OGG1: variants seen among roughly 807,000 people sequenced by gnomAD.
OGG1 encodes N-glycosylase/DNA lyase.
In OGG1, 35 loss-of-function variants were observed where a neutral mutation model predicts 42.3. The ratio of observed to expected loss-of-function variants is 0.83; its 90% CI spans 0.63 to 1.10. The LOEUF is 1.10. Among genes scored for constraint, OGG1 ranks in the 50% least tolerant of loss-of-function variants. The pLI is 0.00. For missense variants in OGG1, 484 were observed against 446.7 expected (o/e 1.08, Z -0.75); for synonymous variants, 189 against 179.0 (o/e 1.06, Z -0.44).
chr3:9,759,326 G>A, downstream of OGG1: 3 of 1,576,602 alleles, frequency 1.9e-6, no homozygotes, highest in Non-Finnish European at 2.6e-6. Context: ...TGTTGGGAGT[G>A]TTTGTTGAAT....
intron 2 of OGG1, among the ~76,000 whole-genome samples, chr3:9,777,799 T>C (rs1233988105): frequency 6.6e-6 from 1 of 152,194 alleles, no homozygotes; most frequent in African/African-American, 2.4e-5. Context: ...TGGAACTCTC[T>C]ACCAACAACG....
At chr3:9,752,493 C>T (rs191874583) in intron 3 of OGG1, among the ~76,000 whole-genome samples, 4 of 144,564 alleles carry the variant, frequency 2.8e-5, no homozygotes, top group African/African-American at 7.9e-5. Context: ...AGTGAAACCC[C>T]GTCTCCAGCC....
At chr3:9,786,377 C>G (rs1475804517) in intron 3 of OGG1, among the ~76,000 whole-genome samples, 1 of 152,182 alleles carries the variant, frequency 6.6e-6, no homozygotes, top group Non-Finnish European at 1.5e-5. Context: ...CTTAGATAAC[C>G]TGCAACATGT....
downstream of OGG1, among the ~76,000 whole-genome samples, chr3:9,771,140 A>G (rs2125604121): frequency 6.7e-6 from 1 of 148,938 alleles, no homozygotes; most frequent in African/African-American, 2.5e-5. Context: ...TCATCTTCCT[A>G]CCTCAGCCTC....
At chr3:9,779,386 A>T (rs2078409182) in intron 2 of OGG1, among the ~76,000 whole-genome samples, 1 of 152,094 alleles carries the variant, frequency 6.6e-6, no homozygotes, top group Non-Finnish European at 1.5e-5. Context: ...CCTGTGCTGG[A>T]TGTAAATGAG....
chr3:9,764,268 C>T (rs1575248794), intron 7 of OGG1, among the ~76,000 whole-genome samples: 1 of 152,148 alleles, frequency 6.6e-6, no homozygotes. Context: ...GGTAAATACT[C>T]ATAAGTGAAA....
downstream of OGG1, among the ~76,000 whole-genome samples, chr3:9,769,542 C>G (rs373813465): frequency 2.0e-5 from 3 of 152,180 alleles, no homozygotes; most frequent in Admixed American, 6.5e-5. Flanking sequence ...CTCCGCAAGC[C>G]CCCCCACCCC....
At chr3:9,776,548 C>G (rs1036638623) in intron 2 of OGG1, among the ~76,000 whole-genome samples, 1 of 152,062 alleles carries the variant, frequency 6.6e-6, no homozygotes, top group Admixed American at 6.5e-5. Context: ...CGCCACCACG[C>G]CCGGCTAATT....
intron 2 of OGG1, 126 bp from the exon 3 acceptor site, chr3:9,751,644 C>A: frequency 1.1e-6 from 1 of 879,306 alleles, no homozygotes; most frequent in Non-Finnish European, 1.9e-6. Flanking sequence ...CTTTCTCTAA[C>A]GGTGCTGACT....
chr3:9,759,336 TGAAA>T (rs778632031), downstream of OGG1: 51 of 1,564,174 alleles, frequency 3.3e-5, no homozygotes, highest in Non-Finnish European at 4.3e-5. Context: ...GTTTGTTGAA[TGAAA>T]GAGTGAATGA....
downstream of OGG1, chr3:9,761,979 T>A: frequency 3.5e-6 from 2 of 567,134 alleles, no homozygotes; most frequent in South Asian, 4.2e-5. Flanking sequence ...AAACCTCAGG[T>A]GTGCACTGTA....
In OGG1 at chr3:9,757,274, G is replaced by T. The variant is rs1317935418; in HGVS notation, c.*124G>T. 2 of 1,614,036 alleles carry T rather than the reference G, an allele frequency of 1.2e-6. No homozygotes were observed. The highest frequency in any genetic ancestry group is 1.7e-6 in the Non-Finnish European group (2 of 1,180,044). On this transcript the variant is annotated 3_prime_UTR_variant, in exon 7 of 7. Coordinates refer to ENST00000344629, the MANE Select transcript of OGG1 (RefSeq NM_002542.6). The surrounding 1 kb of genome is among the most constrained non-coding windows in gnomAD (Gnocchi z 4.5). ...TCCCTGTGACTACCTCAAAGGCCAG[G>T]CACCCCCAAATCAAGCAGTCAGTTT... is the stretch of plus-strand genomic sequence containing the variant.
intron 3 of OGG1, among the ~76,000 whole-genome samples, chr3:9,753,450 A>C (rs1242104840): frequency 6.6e-6 from 1 of 152,020 alleles, no homozygotes; most frequent in Admixed American, 6.5e-5. Flanking sequence ...CAGGAGATCA[A>C]GACCATCCTG....
At chr3:9,763,559 G>C (rs150547706) in intron 7 of OGG1, among the ~76,000 whole-genome samples, 209 of 152,272 alleles carry the variant, frequency 1.4e-3, no homozygotes, top group African/African-American at 4.8e-3. Context: ...TTTTTTGGAA[G>C]GTGAGAGAGC....
downstream of OGG1, among the ~76,000 whole-genome samples, chr3:9,770,913 T>C (rs192149599): frequency 7.2e-4 from 109 of 152,334 alleles, no homozygotes; most frequent in Non-Finnish European, 1.1e-3. Context: ...CACTCCCTAC[T>C]CCTGAATTCT....
At chr3:9,762,842 G>A (rs993392725) in intron 7 of OGG1, 32 of 1,514,030 alleles carry the variant, frequency 2.1e-5, no homozygotes, top group Non-Finnish European at 2.8e-5. Flanking sequence ...GTTGCCCAAG[G>A]TCAGACAGTT....
intron 2 of OGG1, chr3:9,779,883 G>C (rs2078420434): frequency 6.6e-6 from 1 of 152,510 alleles, no homozygotes; most frequent in Non-Finnish European, 1.5e-5. Flanking sequence ...TGGGCTGAGA[G>C]CCACCAAGCA....
downstream of OGG1, among the ~76,000 whole-genome samples, chr3:9,790,631 TAA>T (rs1314995696): frequency 6.6e-6 from 1 of 152,252 alleles, no homozygotes; most frequent in East Asian, 1.9e-4. Flanking sequence ...ATGCAGTGAA[TAA>T]AGTCATCAGA....
rs200462706 is a variant in OGG1 at position 9,756,815 on chromosome 3, C to T, written c.947C>T (p.Ala316Val). Reference sequence around the variant, plus strand: ...GGACCTTATGCTGGCTGGGCCCAAGCGGTGAGTGTACCTAGGTGTCCTCCC... The same window carrying T: ...GGACCTTATGCTGGCTGGGCCCAAGTGGTGAGTGTACCTAGGTGTCCTCCC... ...LWGPYAGWAQ[A>V]VLFSADLRQS... Residue 316 changes from alanine to valine, a missense_variant and splice_region_variant, in exon 6 of 7, where the codon GCG (alanine) becomes GTG (valine). By Grantham distance (64) the Ala-to-Val change is moderately conservative (BLOSUM62 0). Transcript: ENST00000344629. 1.2e-5 allele frequency: 20 copies of T among 1,613,784 alleles called. No individual in the cohort carries two copies. The highest frequency in any genetic ancestry group is 1.7e-4 in the Middle Eastern group (1 of 5,954).
Sources: gnomAD v4.1 joint callset for allele counts (sites outside exome capture counted in the v4.1 genomes callset) on GRCh38, gnomAD v4.1.1 for gene constraint, Gnocchi (gnomAD v3.1) non-coding constraint, MANE v1.5 for transcripts, NCBI Gene and HGNC (gene_info 2026-07-23, HGNC 2026-07-21) for gene names.